IRGM: variants seen among roughly 807,000 people sequenced by gnomAD.
The protein encoded by IRGM is immunity related GTPase M.
For missense variants in IRGM, 288 were observed against 219.9 expected (o/e 1.31, Z -1.96); for synonymous variants, 98 against 80.6 (o/e 1.22, Z -1.16).
downstream of IRGM, chr5:150,900,769 T>C (rs141428145): frequency 1.3e-5 from 2 of 152,104 alleles, no homozygotes; most frequent in Non-Finnish European, 2.9e-5. Flanking sequence ...ATTTGTTTTA[T>C]CTGAAGAAAA....
In IRGM at chr5:150,848,656, T is replaced by C; in HGVS notation, c.533T>C (p.Val178Ala). Residue 178 changes from valine to alanine, a missense_variant, in exon 2 of 2, where the codon GTA becomes GCA. By Grantham distance (64) the Val-to-Ala change is moderately conservative. Transcript: ENST00000522154. ...CTGGAAAATCTCCAGAAGGAGCGGGTATGTGAATACTAATTCCTGTCTTCA... is the reference window on the plus strand; with the variant it reads ...CTGGAAAATCTCCAGAAGGAGCGGGCATGTGAATACTAATTCCTGTCTTCA... Reference protein sequence around the residue: ...NVLENLQKERVCEY With the variant: ...NVLENLQKERACEY 1.3e-6 allele frequency: 2 copies of C among 1,532,012 alleles called. No individual in the cohort carries two copies. Among genetic ancestry groups the C allele is most frequent in the Non-Finnish European group, 1.8e-6 (2 of 1,134,728 alleles). 94.9% of individuals were successfully genotyped at this position (1,532,012 alleles called of 1,614,324 possible). A position where few individuals can be genotyped will look rare whatever the true frequency, so the allele number is the denominator to read the frequency against.
downstream of IRGM, among the ~76,000 whole-genome samples, chr5:150,850,774 T>A (rs1484918294): frequency 6.6e-6 from 1 of 152,144 alleles, no homozygotes. Flanking sequence ...AGACTGGTCT[T>A]GATTATTCTG....
At chr5:150,854,077 G>T (rs1209077372) in intron 1 of IRGM, among the ~76,000 whole-genome samples, 1 of 151,160 alleles carries the variant, frequency 6.6e-6, no homozygotes, top group African/African-American at 2.4e-5. Flanking sequence ...TTCCTTTTGT[G>T]TACATTTTGT....
rs747047293 is a variant in IRGM at position 150,896,332 on chromosome 5, C to T, written c.*141-4257C>T. On this transcript the variant is annotated intron_variant and NMD_transcript_variant, in intron 3 of 3. Coordinates refer to the IRGM transcript ENST00000520549. Reference sequence around the variant, plus strand: ...TGAAACTTCTCACTGAAGGCTTTTCCGCATGCACCACAATCATATGGTTTC... The same window carrying T: ...TGAAACTTCTCACTGAAGGCTTTTCTGCATGCACCACAATCATATGGTTTC... 1.9e-5 allele frequency: 31 copies of T among 1,613,406 alleles called. No individual in the cohort carries two copies. In the East Asian group the frequency reaches 4.0e-4, roughly 21 times the overall value.
At chr5:150,852,732 T>C (rs550037929), downstream of IRGM, among the ~76,000 whole-genome samples, 12 of 152,174 alleles carry the variant, frequency 7.9e-5, no homozygotes, top group African/African-American at 2.4e-4. Context: ...TGGAAACTAA[T>C]CTCAACAAGA....
At chr5:150,872,991 G>A (rs887095151) in intron 1 of IRGM, among the ~76,000 whole-genome samples, 2 of 152,194 alleles carry the variant, frequency 1.3e-5, no homozygotes, top group African/African-American at 2.4e-5. Flanking sequence ...ATCTAACAGT[G>A]GGAACCGCAG....
At chr5:150,880,456 T>C (rs114614494) in intron 3 of IRGM, among the ~76,000 whole-genome samples, 2,270 of 152,304 alleles carry the variant, frequency 0.015, 57 homozygotes, top group African/African-American at 0.052. Flanking sequence ...ATATATATCC[T>C]TTATACAGAC....
chr5:150,856,922 T>G (rs1561741772), intron 1 of IRGM, among the ~76,000 whole-genome samples: 1 of 95,394 alleles, frequency 1.0e-5, no homozygotes, highest in Non-Finnish European at 1.8e-5. Context: ...TATTTATTAT[T>G]TATTATTTAT....
intron 3 of IRGM, among the ~76,000 whole-genome samples, chr5:150,891,918 A>T (rs1754615658): frequency 6.6e-6 from 1 of 152,164 alleles, no homozygotes; most frequent in African/African-American, 2.4e-5. Flanking sequence ...CTAGCAAAAA[A>T]AGAGTATCAT....
intron 3 of IRGM, chr5:150,898,702 T>A: frequency 1.2e-6 from 1 of 826,004 alleles, no homozygotes; most frequent in Non-Finnish European, 1.8e-6. Flanking sequence ...GAGCCAGGCA[T>A]ATGAGGAGAA....
At chr5:150,895,274 C>A in intron 3 of IRGM, 1 of 536,334 alleles carries the variant, frequency 1.9e-6, no homozygotes, top group Non-Finnish European at 3.2e-6. Flanking sequence ...ATCATCTTTG[C>A]TGGAAAAGTT....
In IRGM at chr5:150,848,369, C is replaced by T. The variant is rs1753914733; in HGVS notation, c.246C>T (p.His82=). The change falls in exon 2 of 2, where the codon CAC becomes CAT. Residue 82 remains histidine, a synonymous_variant. Transcript: ENST00000522154. ...TQRCASYFSS[H]FSNVVLWDLP... ...GATGTGCCTCCTATTTCTCTTCCCA[C>T]TTTTCAAATGTGGTGTTGTGGGACC... 1 of 1,551,738 alleles carries T rather than the reference C, an allele frequency of 6.4e-7. No individual in the cohort carries two copies.
intron 1 of IRGM, among the ~76,000 whole-genome samples, chr5:150,877,710 T>C (rs1182552811): frequency 6.6e-6 from 1 of 152,144 alleles, no homozygotes; most frequent in Non-Finnish European, 1.5e-5. Context: ...CACCTGAGGA[T>C]AGGTTGGGTA....
chr5:150,881,524 A>G (rs1486428760), intron 3 of IRGM, among the ~76,000 whole-genome samples: 1 of 152,190 alleles, frequency 6.6e-6, no homozygotes, highest in Non-Finnish European at 1.5e-5. Context: ...TAACATAAAA[A>G]CATATGAAAG....
At chr5:150,881,356 A>C (rs1754442397) in intron 3 of IRGM, among the ~76,000 whole-genome samples, 1 of 152,188 alleles carries the variant, frequency 6.6e-6, no homozygotes. Flanking sequence ...AAAATTTGCC[A>C]AACAAGAATA....
At chr5:150,898,956 G>T (rs1754898272) in intron 3 of IRGM, among the ~76,000 whole-genome samples, 1 of 152,018 alleles carries the variant, frequency 6.6e-6, no homozygotes, top group Non-Finnish European at 1.5e-5. Flanking sequence ...TGGAAACAGG[G>T]TCATTGCAGA....
chr5:150,874,038 A>G (rs531219365), intron 1 of IRGM, among the ~76,000 whole-genome samples: 1 of 152,362 alleles, frequency 6.6e-6, no homozygotes, highest in African/African-American at 2.4e-5. Flanking sequence ...CTACTGTACC[A>G]GAAATGGTTT....
Position 150,854,879 on chromosome 5 carries a change from A to G in IRGM, c.158+6225A>G, listed in dbSNP as rs150859060. Among the ~76,000 whole-genome samples, 1,171 of 152,280 alleles carry G rather than the reference A, an allele frequency of 7.7e-3. 20 individuals are homozygous for G. The highest frequency in any genetic ancestry group is 0.027 in the African/African-American group (1,111 of 41,574). ...TGGCTATTACTTTTTCAAAAAAATT[A>G]TCTGCCCCTTTCTTCTCTTTCTCAA... On this transcript the variant is annotated intron_variant and NMD_transcript_variant, in intron 1 of 3. Coordinates refer to the IRGM transcript ENST00000520549.
chr5:150,899,932 G>A (rs1371055336), intron 3 of IRGM, among the ~76,000 whole-genome samples: 1 of 151,952 alleles, frequency 6.6e-6, no homozygotes, highest in African/African-American at 2.4e-5. Context: ...AGCCTCCTTT[G>A]TTTTCTTCTT....
Sources: allele counts gnomAD v4.1 joint callset (sites outside exome capture counted in the v4.1 genomes callset), GRCh38; gene constraint gnomAD v4.1.1; transcripts MANE v1.5; gene names NCBI Gene and HGNC (gene_info 2026-07-23, HGNC 2026-07-21).